INSL6: variants seen among roughly 807,000 people sequenced by gnomAD.
INSL6 encodes the protein insulin like 6.
In INSL6, 16 loss-of-function variants were observed where a neutral mutation model predicts 9.4. The observed-to-expected ratio is 1.70, with a 90% CI of 1.15 to 2.59. INSL6 has a LOEUF of 2.59. Among genes scored for constraint, INSL6 ranks in the 30% most tolerant of loss-of-function variants. INSL6 has a pLI of 0.00. For synonymous variants in INSL6, 154 were observed against 96.9 expected, an observed-to-expected ratio of 1.59 and a Z score of -3.46; for missense variants, 391 against 257.3, an observed-to-expected ratio of 1.52 and a Z score of -3.56.
chr9:5,126,171 A>G, intron 3 of INSL6: 2 of 522,424 alleles, frequency 3.8e-6, no homozygotes, highest in East Asian at 3.2e-5. Context: ...CATATTTAAC[A>G]GCCTTATGTT....
chr9:5,145,757 G>T (rs1040723000), intron 2 of INSL6, among the ~76,000 whole-genome samples: 3 of 152,090 alleles, frequency 2.0e-5, no homozygotes, highest in Non-Finnish European at 4.4e-5. Context: ...TAATACTTGG[G>T]ATTGCATTAT....
At chr9:5,014,934 TG>T in the INSL6 span, among the ~76,000 whole-genome samples, 8 of 150,592 alleles carry the variant, frequency 5.3e-5, no homozygotes, top group Non-Finnish European at 1.2e-4. Flanking sequence ...ATTTTTTTTT[TG>T]CGGGGGCGGG....
At chr9:5,172,559 C>A (rs902502628) in intron 1 of INSL6, among the ~76,000 whole-genome samples, 15 of 152,178 alleles carry the variant, frequency 9.9e-5, no homozygotes, top group African/African-American at 2.2e-4. Context: ...GCAATCTATC[C>A]ATTTAACGAA....
the INSL6 span, chr9:5,066,711 A>T: frequency 9.9e-6 from 16 of 1,609,780 alleles, no homozygotes; most frequent in Non-Finnish European, 1.4e-5. Flanking sequence ...TGAAGAAAGC[A>T]GGTAATCAGA....
At chr9:5,134,030 G>A (rs946532492) in intron 2 of INSL6, among the ~76,000 whole-genome samples, 4 of 152,120 alleles carry the variant, frequency 2.6e-5, no homozygotes, top group Admixed American at 6.5e-5. Context: ...AAAACAGCAC[G>A]AGAACTTCAT....
the INSL6 span, among the ~76,000 whole-genome samples, chr9:5,020,639 G>T: frequency 6.6e-6 from 1 of 152,182 alleles, no homozygotes; most frequent in Non-Finnish European, 1.5e-5. Flanking sequence ...ATGCAAATTT[G>T]CATTTTGACA....
At chr9:5,013,374 G>A in the INSL6 span, among the ~76,000 whole-genome samples, 1 of 152,180 alleles carries the variant, frequency 6.6e-6, no homozygotes, top group Non-Finnish European at 1.5e-5. Context: ...ACTAAAGAAA[G>A]TAAATCAAAA....
the INSL6 span, chr9:5,100,560 A>G: frequency 1.3e-5 from 2 of 152,346 alleles, no homozygotes; most frequent in East Asian, 1.9e-4. Context: ...TCTAGCCCCA[A>G]TGCCAGAATT....
the INSL6 span, chr9:5,100,233 A>G: frequency 6.6e-6 from 1 of 152,208 alleles, no homozygotes; most frequent in Non-Finnish European, 1.5e-5. Context: ...ATGACAACAC[A>G]TAATGACCCA....
At chr9:5,054,869 G>C in the INSL6 span, 1 of 1,600,046 alleles carries the variant, frequency 6.2e-7, no homozygotes, top group Non-Finnish European at 8.5e-7. This position sits in a 1 kb window ranked among gnomAD's most constrained non-coding sequence, Gnocchi z 4.9. Context: ...AAGAAAGTGA[G>C]ACACTGACAG....
intron 3 of INSL6, chr9:5,127,043 C>T (rs1423428132): frequency 3.4e-6 from 1 of 290,596 alleles, no homozygotes. Context: ...TGTCAGTTAA[C>T]ATCACTCTTG....
At chr9:5,008,862 T>C in the INSL6 span, among the ~76,000 whole-genome samples, 1 of 152,218 alleles carries the variant, frequency 6.6e-6, no homozygotes, top group African/African-American at 2.4e-5. Flanking sequence ...TTGTACTCCC[T>C]GGATTGATCC....
At chr9:5,088,851 A>T in the INSL6 span, among the ~76,000 whole-genome samples, 1 of 152,118 alleles carries the variant, frequency 6.6e-6, no homozygotes. Context: ...CTTATAACCT[A>T]ATTTAACTTT....
At chr9:4,997,251 T>C in the INSL6 span, among the ~76,000 whole-genome samples, 1 of 152,064 alleles carries the variant, frequency 6.6e-6, no homozygotes, top group Non-Finnish European at 1.5e-5. Context: ...TGTTCTTGCA[T>C]TGCTATAAAG....
At chr9:5,097,861 A>C in the INSL6 span, 2 of 152,208 alleles carry the variant, frequency 1.3e-5, no homozygotes, top group Non-Finnish European at 2.9e-5. Flanking sequence ...CCCCATTCTC[A>C]GGTTATATGC....
the INSL6 span, among the ~76,000 whole-genome samples, chr9:5,086,905 C>G: frequency 6.6e-6 from 1 of 152,112 alleles, no homozygotes; most frequent in Admixed American, 6.5e-5. Context: ...AAACTACTTT[C>G]GCTGGTATCC....
At chr9:5,158,324 G>A (rs980476320) in intron 2 of INSL6, among the ~76,000 whole-genome samples, 3 of 152,112 alleles carry the variant, frequency 2.0e-5, no homozygotes, top group Non-Finnish European at 4.4e-5. Flanking sequence ...AAAGGTATCA[G>A]TGTTCAAGTA....
the INSL6 span, chr9:5,085,760 A>C: frequency 5.3e-6 from 4 of 754,682 alleles, no homozygotes; most frequent in Admixed American, 7.0e-5. Context: ...TAGCTTGCAC[A>C]TGTCGGGAGT....
the INSL6 span, among the ~76,000 whole-genome samples, chr9:5,103,330 T>C: frequency 1.3e-4 from 18 of 138,226 alleles, no homozygotes; most frequent in South Asian, 1.1e-3. Context: ...AAAAAGGCCA[T>C]TACATAATGG....
Sources: allele counts gnomAD v4.1 joint callset (sites outside exome capture counted in the v4.1 genomes callset), GRCh38; gene constraint gnomAD v4.1.1; non-coding constraint Gnocchi (gnomAD v3.1); transcripts MANE v1.5; gene names NCBI Gene and HGNC (gene_info 2026-07-23, HGNC 2026-07-21).